Variants in XPO1 observed in about 807,000 individuals in gnomAD.
XPO1 encodes exportin-1.
A neutral mutation model predicts 133.3 loss-of-function variants in XPO1; 5 were observed. That is an observed-to-expected ratio of 0.04 (90% confidence interval 0.02 to 0.08). XPO1 has a LOEUF of 0.08. Among genes scored for constraint, XPO1 ranks in the 10% least tolerant of loss-of-function variants. The pLI, the probability that XPO1 is intolerant of heterozygous loss-of-function variation, is 1.00. For synonymous variants in XPO1, 419 were observed against 408.2 expected (o/e 1.03, Z -0.32); for missense variants, 506 against 1,267.5 (o/e 0.40, Z 9.12).
intron 2 of XPO1, among the ~76,000 whole-genome samples, chr2:61,526,855 G>A (rs186674741): frequency 2.7e-4 from 41 of 151,964 alleles, no homozygotes; most frequent in African/African-American, 9.2e-4. Context: ...TTATAGGCAG[G>A]TGCCACCACA....
At chr2:61,482,837 C>T in intron 22 of XPO1, 120 bp downstream of exon 22, 2 of 1,174,976 alleles carry the variant, frequency 1.7e-6, no homozygotes, top group Non-Finnish European at 2.4e-6. Context: ...GGTGGCCAGG[C>T]TGTTCTCGAA....
chr2:61,532,048 A>G (rs538054594), intron 2 of XPO1, among the ~76,000 whole-genome samples: 1 of 152,218 alleles, frequency 6.6e-6, no homozygotes, highest in Non-Finnish European at 1.5e-5. Context: ...GACTACTATA[A>G]AAGATAGTAC....
chr2:61,533,967 C>A, intron 1 of XPO1, 64 bp from the exon 2 acceptor site: 3 of 1,341,956 alleles, frequency 2.2e-6, no homozygotes, highest in Non-Finnish European at 1.9e-6. Context: ...AAACTTCCTA[C>A]AAGTTATTTT....
rs202021181 is a variant in XPO1 at position 61,488,783 on chromosome 2, A to G, written c.2023-12T>C. On this transcript the variant is annotated splice_polypyrimidine_tract_variant and intron_variant, in intron 17 of 24. Transcript: ENST00000401558. ...AGTATATCCACATTCTTGGAGGAAA[A>G]AAAGCAAATTCCATTTATCATATAA... The G allele has an allele frequency of 1.1e-3, 1,723 of 1,611,366 alleles. No individual in the cohort carries two copies. The highest frequency in any genetic ancestry group is 1.3e-3 in the Non-Finnish European group (1,505 of 1,178,832).
intron 4 of XPO1, among the ~76,000 whole-genome samples, chr2:61,503,337 C>T (rs1697633519): frequency 6.6e-6 from 1 of 152,044 alleles, no homozygotes; most frequent in Admixed American, 6.6e-5. Context: ...TCACTGCAAC[C>T]TCCGCCTCCA....
At chr2:61,529,701 T>C (rs1171841989) in intron 2 of XPO1, among the ~76,000 whole-genome samples, 2 of 151,984 alleles carry the variant, frequency 1.3e-5, no homozygotes, top group Non-Finnish European at 2.9e-5. Flanking sequence ...TATATGCTTA[T>C]CCTGGCTTTG....
intron 2 of XPO1, among the ~76,000 whole-genome samples, chr2:61,532,285 G>A (rs1342362924): frequency 1.3e-5 from 2 of 151,744 alleles, no homozygotes; most frequent in Non-Finnish European, 1.5e-5. Context: ...CCGCCACCAC[G>A]CCTGGCTAAT....
chr2:61,537,310 G>A (rs1353097239), intron 1 of XPO1, among the ~76,000 whole-genome samples: 1 of 150,238 alleles, frequency 6.7e-6, no homozygotes, highest in Non-Finnish European at 1.5e-5. Context: ...TTCCTCCACC[G>A]CCACCCGCAC....
chr2:61,532,941 G>A (rs1699221766), intron 2 of XPO1, among the ~76,000 whole-genome samples: 1 of 152,158 alleles, frequency 6.6e-6, no homozygotes, highest in Non-Finnish European at 1.5e-5. Context: ...ACTTTGGGAG[G>A]CCGAGTCAGG....
chr2:61,482,624 T>A (rs923635150), intron 22 of XPO1, 85 bp from the exon 23 acceptor site: 21 of 985,094 alleles, frequency 2.1e-5, no homozygotes, highest in Admixed American at 3.3e-5. Context: ...TTTTTTTTTT[T>A]AGACGGAGTC....
chr2:61,479,865 T>C (rs1050886280), intron 24 of XPO1, among the ~76,000 whole-genome samples: 1 of 148,294 alleles, frequency 6.7e-6, no homozygotes, highest in Non-Finnish European at 1.5e-5. Context: ...ACCCAGACAC[T>C]TTTTTCTCTT....
At chr2:61,491,462 AC>A (rs1228095429) in intron 16 of XPO1, among the ~76,000 whole-genome samples, 1 of 37,652 alleles carries the variant, frequency 2.7e-5, no homozygotes, top group Non-Finnish European at 5.6e-5. Flanking sequence ...AAAAACAAAC[AC>A]ACACACACAC....
intron 1 of XPO1, 143 bp downstream of exon 1, chr2:61,537,419 G>A (rs1356272276): frequency 7.4e-5 from 11 of 149,226 alleles, no homozygotes; most frequent in Admixed American, 6.7e-4. Context: ...GCTCCGCTGT[G>A]GGCCCGCCGC....
At chr2:61,484,442 C>T (rs932430792) in intron 20 of XPO1, 18 of 207,562 alleles carry the variant, frequency 8.7e-5, no homozygotes, top group Middle Eastern at 1.8e-3. Flanking sequence ...TTTAAGTTAC[C>T]GTGTAAATGT....
At chr2:61,514,620 T>C (rs1224093403) in intron 4 of XPO1, among the ~76,000 whole-genome samples, 1 of 145,672 alleles carries the variant, frequency 6.9e-6, no homozygotes, top group African/African-American at 2.5e-5. Flanking sequence ...AAGAAAGAAA[T>C]TAAAACCACC....
intron 10 of XPO1, among the ~76,000 whole-genome samples, chr2:61,496,070 G>A (rs1191698807): frequency 6.6e-6 from 1 of 151,982 alleles, no homozygotes; most frequent in Non-Finnish European, 1.5e-5. Flanking sequence ...ATATCTCTAG[G>A]ACTTAGATTT....
At chr2:61,522,529 T>C in intron 4 of XPO1, 82 bp downstream of exon 4, 2 of 1,198,780 alleles carry the variant, frequency 1.7e-6, no homozygotes, top group East Asian at 2.4e-5. Context: ...AAAGATTCAT[T>C]ACATGCCCCC....
chr2:61,484,388 CTT>C, intron 20 of XPO1: 1 of 302,150 alleles, frequency 3.3e-6, no homozygotes. Flanking sequence ...ACTACTATCA[CTT>C]TTGTTTTTAA....
intron 19 of XPO1, among the ~76,000 whole-genome samples, chr2:61,486,796 A>G (rs1696717256): frequency 6.6e-6 from 1 of 152,110 alleles, no homozygotes; most frequent in Admixed American, 6.6e-5. Flanking sequence ...AGAAAATAAG[A>G]AAGACTATGG....
Sources: gnomAD v4.1 joint callset for allele counts (sites outside exome capture counted in the v4.1 genomes callset) on GRCh38, gnomAD v4.1.1 for gene constraint, MANE v1.5 for transcripts, NCBI Gene and HGNC (gene_info 2026-07-23, HGNC 2026-07-21) for gene names.